The following FAM76B variants were observed in gnomAD, a reference collection of about 807,000 sequenced individuals.
FAM76B encodes the protein family with sequence similarity 76 member B, also known as protein FAM76B.
FAM76B carries 16 observed loss-of-function variants against 51.8 expected under a neutral mutation model. That is an observed-to-expected ratio of 0.31 (90% CI 0.21 to 0.47). FAM76B has a LOEUF of 0.47. FAM76B is among the 20% of genes least tolerant of loss of function. The pLI is 1.00. For synonymous variants in FAM76B, 166 were observed against 129.5 expected (o/e 1.28, Z -1.91); for missense variants, 342 against 392.6 (o/e 0.87, Z 1.09).
chr11:95,788,441 A>T, intron 2 of FAM76B, 58 bp downstream of exon 2: 1 of 1,324,054 alleles, frequency 7.6e-7, no homozygotes, highest in African/African-American at 1.5e-5. Flanking sequence ...ACAACCCCCA[A>T]GTATTCCATA....
rs1859708683 is a variant in FAM76B at position 95,770,225 on chromosome 11, T to C, written c.*1336A>G. On this transcript the variant is annotated 3_prime_UTR_variant, in exon 10 of 10. Coordinates refer to ENST00000358780, the MANE Select transcript of FAM76B (RefSeq NM_144664.5). ...GGCTGAAAACCGCTGGATCAGAATA[T>C]AGTCAATAACTTCATATAACCTATC... 1 of 151,882 alleles carries C rather than the reference T, an allele frequency of 6.6e-6. No individual in the cohort carries two copies. The highest frequency in any genetic ancestry group is 6.6e-5 in the Admixed American group (1 of 15,160). The allele number at this position is 151,882 out of a possible 1,614,324, so 9.4% of individuals were successfully genotyped here.
chr11:95,775,900 T>G (rs1859982262), intron 9 of FAM76B, 22 bp downstream of exon 9: 1 of 1,496,326 alleles, frequency 6.7e-7, no homozygotes. Context: ...GCCTATCATT[T>G]TACGTAAATG....
chr11:95,787,228 G>A (rs979403333), intron 3 of FAM76B, among the ~76,000 whole-genome samples: 1 of 152,102 alleles, frequency 6.6e-6, no homozygotes. Context: ...ATATCTAAGA[G>A]CATAGCAGTA....
At chr11:95,785,364 A>G (rs1183312090) in intron 4 of FAM76B, among the ~76,000 whole-genome samples, 1 of 152,224 alleles carries the variant, frequency 6.6e-6, no homozygotes, top group Non-Finnish European at 1.5e-5. Context: ...AAGAACTACC[A>G]CAAATAATGA....
intron 8 of FAM76B, among the ~76,000 whole-genome samples, chr11:95,778,308 A>G (rs543907047): frequency 2.0e-5 from 3 of 151,578 alleles, no homozygotes; most frequent in South Asian, 2.1e-4. Context: ...TGAAGTCCCA[A>G]TAAGTACACT....
At chr11:95,779,737 C>T in intron 6 of FAM76B, 50 bp from the exon 7 acceptor site, 1 of 1,584,236 alleles carries the variant, frequency 6.3e-7, no homozygotes, top group South Asian at 1.2e-5. Flanking sequence ...GACAGAGAAA[C>T]CAAATGATAA....
chr11:95,785,469 A>G (rs2120287803), intron 4 of FAM76B, among the ~76,000 whole-genome samples: 1 of 152,340 alleles, frequency 6.6e-6, no homozygotes, highest in South Asian at 2.1e-4. Flanking sequence ...GTTTGTTCAC[A>G]TGTATTCCAT....
rs371636260 is a variant in FAM76B at position 95,783,202 on chromosome 11, C to A, written c.426G>T (p.Thr142=). Residue 142 remains threonine, a synonymous_variant, in exon 5 of 10, where the codon ACG becomes ACT. Transcript: ENST00000358780. ...TLSYKRVLQK[T]KEQRKSLGSS... ...ATCCCAGGCTCTTCCTTTGTTCTTT[C>A]GTCTTCTGTAAAACTCTTTTGTACG... 185 of 1,613,900 alleles carry A rather than the reference C, an allele frequency of 1.1e-4. 1 individual carries two copies. The South Asian group carries it at 1.9e-3, about 17-fold the overall frequency.
intron 5 of FAM76B, among the ~76,000 whole-genome samples, chr11:95,782,778 G>C (rs1422211985): frequency 6.6e-6 from 1 of 152,066 alleles, no homozygotes; most frequent in African/African-American, 2.4e-5. Flanking sequence ...CTTTTGATAA[G>C]TTATTTAAGT....
chr11:95,779,792 G>GT, intron 6 of FAM76B, 87 bp downstream of exon 6: 2 of 1,556,756 alleles, frequency 1.3e-6, no homozygotes, highest in Non-Finnish European at 1.7e-6. Context: ...ACTGATTTTG[G>GT]TAAGACTTAA....
At position 95,771,703 on chromosome 11, in the gene FAM76B, C is replaced by A; in HGVS notation, c.931-53G>T. 4 of 1,388,806 alleles carry A rather than the reference C, an allele frequency of 2.9e-6. No individual in the cohort carries two copies. The South Asian group carries it at 4.8e-5, about 17-fold the overall frequency. The allele number at this position is 1,388,806 out of a possible 1,614,324, so 86.0% of individuals were successfully genotyped here. On this transcript the variant is annotated intron_variant, in intron 9 of 9. Transcript: ENST00000358780. Reference sequence around the variant, plus strand: ...AAAAATGTTTGAAATATTATTAAGTCATGCTGAAGAATACTACTTATTTAA... The same window carrying A: ...AAAAATGTTTGAAATATTATTAAGTAATGCTGAAGAATACTACTTATTTAA...
In FAM76B at chr11:95,778,858, C is replaced by T. The variant is rs1295506398; in HGVS notation, c.792G>A (p.Gln264=). ...EEVMSLKRLL[Q]QRDQTILEKD... is the part of the protein sequence containing the mutation. ...TTTCTAAAATGGTCTGGTCTCTCTGCTGTAAGAGACGCTTAAGTGACATCA... is the reference window on the plus strand; with the variant it reads ...TTTCTAAAATGGTCTGGTCTCTCTGTTGTAAGAGACGCTTAAGTGACATCA... Residue 264 remains glutamine, a synonymous_variant, in exon 8 of 10, where the codon CAG becomes CAA. Transcript: ENST00000358780. 3.1e-6 allele frequency: 5 copies of T among 1,610,104 alleles called. No individual in the cohort carries two copies. The Admixed American group carries it at 6.7e-5, about 22-fold the overall frequency.
At chr11:95,782,384 G>A (rs1860319181) in intron 5 of FAM76B, among the ~76,000 whole-genome samples, 1 of 151,698 alleles carries the variant, frequency 6.6e-6, no homozygotes, top group South Asian at 2.1e-4. Flanking sequence ...ATATATAGAA[G>A]GCCAACTTTT....
chr11:95,776,075 A>G (rs773326956), intron 8 of FAM76B, 52 bp from the exon 9 acceptor site: 4 of 942,622 alleles, frequency 4.2e-6, no homozygotes, highest in Admixed American at 6.1e-5. Context: ...ATACACACAC[A>G]CACCATTTTA....
intron 5 of FAM76B, among the ~76,000 whole-genome samples, chr11:95,780,282 T>G (rs1377847295): frequency 6.6e-6 from 1 of 151,918 alleles, no homozygotes; most frequent in East Asian, 1.9e-4. Flanking sequence ...AAAATTTGTA[T>G]CTTTAAAGTT....
intron 9 of FAM76B, among the ~76,000 whole-genome samples, chr11:95,771,900 A>C (rs1859783746): frequency 6.6e-6 from 1 of 151,098 alleles, no homozygotes; most frequent in Non-Finnish European, 1.5e-5. Flanking sequence ...AAAGATGCAC[A>C]ATTGGTTACA....
chr11:95,778,864 G>A lies in FAM76B; in HGVS notation c.786C>T (p.Leu262=). 1 of 1,610,552 alleles carries A rather than the reference G, an allele frequency of 6.2e-7. No homozygotes were observed. Among genetic ancestry groups the A allele is most frequent in the East Asian group, 2.2e-5 (1 of 44,748 alleles). ...LKEEVMSLKR[L]LQQRDQTILE... ...AAATGGTCTGGTCTCTCTGCTGTAA[G>A]AGACGCTTAAGTGACATCACTTCTT... Residue 262 remains leucine, a synonymous_variant, in exon 8 of 10, where the codon CTC becomes CTT. Transcript: ENST00000358780.
At chr11:95,774,203 G>C (rs952404093) in intron 9 of FAM76B, among the ~76,000 whole-genome samples, 1 of 151,356 alleles carries the variant, frequency 6.6e-6, no homozygotes, top group East Asian at 1.9e-4. Flanking sequence ...GGAGTGAGAA[G>C]ACAGAGATTT....
At chr11:95,774,127 A>G (rs1859892376) in intron 9 of FAM76B, among the ~76,000 whole-genome samples, 1 of 151,324 alleles carries the variant, frequency 6.6e-6, no homozygotes, top group Non-Finnish European at 1.5e-5. Context: ...GAAGGATGAA[A>G]TAGAAAACCT....
Sources: gnomAD v4.1 joint callset for allele counts (sites outside exome capture counted in the v4.1 genomes callset) on GRCh38, gnomAD v4.1.1 for gene constraint, MANE v1.5 for transcripts, NCBI Gene and HGNC (gene_info 2026-07-23, HGNC 2026-07-21) for gene names.